The following RELN variants were observed in gnomAD, a reference collection of about 807,000 sequenced individuals.
RELN encodes the protein reelin.
A neutral mutation model predicts 427.6 loss-of-function variants in RELN; 108 were observed. The ratio of observed to expected loss-of-function variants is 0.25; its 90% confidence interval spans 0.22 to 0.30. The LOEUF (loss-of-function observed/expected upper bound fraction) is 0.30, where lower values mean the gene tolerates loss of function less well. Ranked by LOEUF, RELN falls within the 10% of genes least tolerant of loss-of-function variation. The pLI is 1.00. For missense variants in RELN, 3,715 were observed against 4,302.8 expected (o/e 0.86, Z 3.82); for synonymous variants, 1,524 against 1,513.4 (o/e 1.01, Z -0.16).
chr7:103,805,588 C>A (rs1227914062), intron 3 of RELN, among the ~76,000 whole-genome samples: 2 of 152,184 alleles, frequency 1.3e-5, no homozygotes, highest in African/African-American at 4.8e-5. Flanking sequence ...AATCCTCCAG[C>A]CAATTTCCTT....
chr7:103,593,727 T>C lies in RELN; in HGVS notation c.3867A>G (p.Val1289=). ...FGKSDGDRFA[V]TRDLTLKPGY... ...CAGGTTTCAGGGTCAAATCTCGAGT[T>C]ACTGCAAATCGATCTCCATCTGATT... The change falls in exon 27 of 65, where the codon GTA becomes GTG. Residue 1289 remains valine (V), a synonymous_variant. Coordinates refer to ENST00000428762, the MANE Select transcript of RELN (RefSeq NM_005045.4). The C allele has an allele frequency of 1.2e-6, 2 of 1,614,088 alleles. No individual in the cohort carries two copies. The highest frequency in any genetic ancestry group is 1.7e-5 in the Admixed American group (1 of 60,020).
intron 22 of RELN, among the ~76,000 whole-genome samples, chr7:103,604,831 C>CT (rs34015200): frequency 0.18 from 25,172 of 138,584 alleles, 2,837 homozygotes; most frequent in Middle Eastern, 0.3. Context: ...ACCTATCTTT[C>CT]TTTTTTTTTT....
rs1041118900 is a variant in RELN, at chr7:103,693,543, A to G, written c.1143+4310T>C. Among the ~76,000 whole-genome samples, 5 of 136,550 alleles carry G rather than the reference A, an allele frequency of 3.7e-5. No homozygotes were observed. The South Asian group carries it at 1.1e-3, about 30-fold the overall frequency. 89.6% of individuals were successfully genotyped at this position (136,550 alleles called of 152,430 possible). ...AAAGAACTATAACAAAATCCAGCAA[A>G]ATAAAAAAAAAATAAAAAATAAAGG... On this transcript the variant is annotated intron_variant, in intron 10 of 64. Transcript: ENST00000428762.
intron 16 of RELN, among the ~76,000 whole-genome samples, chr7:103,645,202 T>C (rs1832774526): frequency 1.3e-5 from 2 of 151,754 alleles, no homozygotes; most frequent in Non-Finnish European, 3.0e-5. Context: ...ACAGGTCTTA[T>C]AAAACATTTA....
chr7:103,592,407 A>G (rs2117245785), intron 27 of RELN, among the ~76,000 whole-genome samples: 1 of 152,218 alleles, frequency 6.6e-6, no homozygotes, highest in African/African-American at 2.4e-5. Context: ...CATGGTGTAT[A>G]TGTACCACAT....
At chr7:103,826,115 G>C (rs1043516706) in intron 3 of RELN, among the ~76,000 whole-genome samples, 1 of 151,930 alleles carries the variant, frequency 6.6e-6, no homozygotes, top group Non-Finnish European at 1.5e-5. Context: ...GATGAGATGG[G>C]CTCCTTTCTT....
chr7:103,476,458 G>A (rs1163366550), intron 64 of RELN, among the ~76,000 whole-genome samples: 1 of 152,068 alleles, frequency 6.6e-6, no homozygotes, highest in Non-Finnish European at 1.5e-5. Flanking sequence ...CCAGCCTGGG[G>A]CGACACGGTG....
At chr7:103,505,067 G>A (rs894852981) in intron 51 of RELN, among the ~76,000 whole-genome samples, 4 of 152,226 alleles carry the variant, frequency 2.6e-5, no homozygotes, top group African/African-American at 9.6e-5. Flanking sequence ...AGCAGCCCCA[G>A]TCAGGGACTT....
intron 38 of RELN, among the ~76,000 whole-genome samples, chr7:103,555,628 C>T (rs547538309): frequency 2.0e-4 from 30 of 152,168 alleles, no homozygotes; most frequent in African/African-American, 6.0e-4. Flanking sequence ...TGTGCCACCA[C>T]GCCCAGCTAA....
chr7:103,846,828 C>A (rs1413859533), intron 2 of RELN, among the ~76,000 whole-genome samples: 1 of 152,198 alleles, frequency 6.6e-6, no homozygotes, highest in Non-Finnish European at 1.5e-5. Context: ...AAAAGCTCAT[C>A]ATCACTGGTC....
In RELN at chr7:103,989,331, T is replaced by C. The variant is rs115165703; in HGVS notation, c.26A>G (p.Gln9Arg). The C allele has an allele frequency of 1.7e-5, 27 of 1,576,554 alleles. No homozygotes were observed. Among genetic ancestry groups the C allele is most frequent in the Non-Finnish European group, 2.1e-5 (24 of 1,158,388 alleles). The change falls in exon 1 of 65, where the codon CAG (glutamine) becomes CGG (arginine). Residue 9 changes from glutamine (Q) to arginine (R), a missense_variant. Physicochemically the swap from Gln to Arg is conservative, Grantham distance 43. This residue lies in a region of RELN where 2,208 missense variants were observed against 2,361.7 expected (regional missense o/e 0.93). Transcript: ENST00000428762. This position sits in a 1 kb window ranked among gnomAD's most constrained non-coding sequence, Gnocchi z 4.9. The stretch of plus-strand genomic sequence containing the variant: ...CAGCAACAGCGCTAGGAGGAAAGTC[T>C]GCCGGGCCCAGCCACTGCGCTCCAT... MERSGWARQTFLLALLLGA... is the reference protein window; with the variant it reads MERSGWARRTFLLALLLGA...
At chr7:103,724,684 T>G (rs2115915875) in intron 7 of RELN, among the ~76,000 whole-genome samples, 1 of 152,296 alleles carries the variant, frequency 6.6e-6, no homozygotes, top group East Asian at 1.9e-4. Context: ...TTTGATTGGT[T>G]ACTGATTCTA....
chr7:103,799,334 G>A (rs1792386974), intron 3 of RELN, among the ~76,000 whole-genome samples: 2 of 152,100 alleles, frequency 1.3e-5, no homozygotes, highest in African/African-American at 4.8e-5. Context: ...AGTTACATAG[G>A]ATGCTACTAC....
intron 2 of RELN, among the ~76,000 whole-genome samples, chr7:103,853,185 AT>A (rs746417563): frequency 1.3e-5 from 2 of 152,100 alleles, no homozygotes; most frequent in Non-Finnish European, 2.9e-5. Context: ...GCTATAATCT[AT>A]TAACTTGAAG....
chr7:103,634,952 G>A (rs925091253), intron 19 of RELN, among the ~76,000 whole-genome samples: 3 of 151,856 alleles, frequency 2.0e-5, no homozygotes, highest in Admixed American at 6.6e-5. Context: ...TCTGCCTGCC[G>A]GGTTCAAGCA....
chr7:103,586,831 G>C (rs1831284342), intron 28 of RELN, among the ~76,000 whole-genome samples: 1 of 152,052 alleles, frequency 6.6e-6, no homozygotes, highest in Non-Finnish European at 1.5e-5. Flanking sequence ...CCAAGGAGAT[G>C]GATCATCTCT....
At chr7:103,510,748 G>GA in intron 51 of RELN, 103 bp downstream of exon 51, 1 of 947,270 alleles carries the variant, frequency 1.1e-6, no homozygotes, top group Non-Finnish European at 1.7e-6. Flanking sequence ...ACTTTTCAAA[G>GA]TATATACTAA....
At chr7:103,934,176 T>C (rs1256333508) in intron 1 of RELN, among the ~76,000 whole-genome samples, 2 of 152,060 alleles carry the variant, frequency 1.3e-5, no homozygotes. Context: ...GGAGACAGAG[T>C]ACTGTCTTGT....
chr7:103,699,150 C>G (rs975782852), intron 9 of RELN, among the ~76,000 whole-genome samples: 3 of 152,012 alleles, frequency 2.0e-5, no homozygotes, highest in African/African-American at 7.2e-5. Context: ...AAAATGATTG[C>G]CTTTGCTAAG....
Sources: allele counts gnomAD v4.1 joint callset (sites outside exome capture counted in the v4.1 genomes callset), GRCh38; gene constraint gnomAD v4.1.1; regional missense constraint gnomAD v4.1.1; non-coding constraint Gnocchi (gnomAD v3.1); transcripts MANE v1.5; gene names NCBI Gene and HGNC (gene_info 2026-07-23, HGNC 2026-07-21).